The following NME5 variants were observed in gnomAD, a reference collection of about 807,000 sequenced individuals.
NME5 encodes the protein NME/NM23 family member 5, also known as nucleoside diphosphate kinase 5.
In NME5, 18 loss-of-function variants were observed where a neutral mutation model predicts 21.6. The observed-to-expected ratio is 0.83, with a 90% confidence interval of 0.58 to 1.24. The LOEUF is 1.24. NME5 is among the 50% of genes most tolerant of loss of function. The pLI, the probability that NME5 is intolerant of heterozygous loss-of-function variation, is 0.00. For synonymous variants in NME5, 70 were observed against 80.6 expected (o/e 0.87, Z 0.71); for missense variants, 223 against 255.4 (o/e 0.87, Z 0.86).
chr5:138,115,560 T>G lies in NME5; in HGVS notation c.*121A>C, dbSNP rs762305675. 13 of 553,022 alleles carry G rather than the reference T, an allele frequency of 2.4e-5. No individual in the cohort carries two copies. The highest frequency in any genetic ancestry group is 3.6e-5 in the Non-Finnish European group (12 of 328,956). The allele number at this position is 553,022 out of a possible 1,614,324, so 34.3% of individuals were successfully genotyped here. ...TAGTTATTCCTTTAACACTTATTTTTAAGAAATAAATTTATTTTACTTGTA... is the reference window on the plus strand; with the variant it reads ...TAGTTATTCCTTTAACACTTATTTTGAAGAAATAAATTTATTTTACTTGTA... On this transcript the variant is annotated 3_prime_UTR_variant, in exon 6 of 6. Coordinates refer to ENST00000265191, the MANE Select transcript of NME5 (RefSeq NM_003551.3).
chr5:138,136,237 A>G (rs989487963), intron 2 of NME5, among the ~76,000 whole-genome samples: 1 of 152,244 alleles, frequency 6.6e-6, no homozygotes, highest in African/African-American at 2.4e-5. Context: ...GGAATTCTAT[A>G]GGACAGATTT....
chr5:138,138,572 TG>T, intron 2 of NME5, 79 bp downstream of exon 2: 1 of 1,241,310 alleles, frequency 8.1e-7, no homozygotes, highest in Non-Finnish European at 1.1e-6. Flanking sequence ...AGGGTTTAAA[TG>T]GGTAGGCACA....
At chr5:138,132,354 G>GA (rs1019617726) in intron 2 of NME5, among the ~76,000 whole-genome samples, 17 of 148,480 alleles carry the variant, frequency 1.1e-4, no homozygotes, top group Non-Finnish European at 1.6e-4. Flanking sequence ...GGTCTCAAAA[G>GA]AAAAAAAAAA....
chr5:138,129,605 A>G (rs538087405), intron 2 of NME5, 137 bp from the exon 3 acceptor site: 3 of 648,484 alleles, frequency 4.6e-6, no homozygotes, highest in Admixed American at 5.7e-5. Flanking sequence ...AAGAAAGAAA[A>G]GGATATAATT....
At chr5:138,132,093 C>G (rs1751583411) in intron 2 of NME5, among the ~76,000 whole-genome samples, 1 of 152,202 alleles carries the variant, frequency 6.6e-6, no homozygotes, top group Non-Finnish European at 1.5e-5. Flanking sequence ...GGCTCGGTGG[C>G]TCATGCCTCT....
At chr5:138,136,325 G>C (rs1751696695) in intron 2 of NME5, among the ~76,000 whole-genome samples, 1 of 152,184 alleles carries the variant, frequency 6.6e-6, no homozygotes, top group South Asian at 2.1e-4. Context: ...CCTTTGATAG[G>C]GGTTGTGCCA....
chr5:138,120,227 G>GTTTTTTTTTTTTTTTTTTT (rs1561586403), intron 4 of NME5, among the ~76,000 whole-genome samples: 2 of 118,044 alleles, frequency 1.7e-5, no homozygotes, highest in Non-Finnish European at 3.4e-5. Flanking sequence ...ACTGCTCCCA[G>GTTTTTTTTTTTTTTTTTTT]CTCTTTTTTT....
At position 138,128,626 on chromosome 5, in the gene NME5, C is replaced by A. The variant is rs116719780; in HGVS notation, c.336-47G>T. The A allele has an allele frequency of 2.5e-4, 334 of 1,354,346 alleles. 1 individual carries two copies. The African/African-American group carries it at 4.0e-3, about 16-fold the overall frequency. The allele number at this position is 1,354,346 out of a possible 1,614,324, so 83.9% of individuals were successfully genotyped here. On this transcript the variant is annotated intron_variant, in intron 3 of 5. Transcript: ENST00000265191. ...CGTCCATCCAATCTAACGTCTATTC[C>A]TTACTTTATATGCATGCATTCCACT... is the stretch of plus-strand genomic sequence containing the variant.
chr5:138,131,955 G>T (rs1302515229), intron 2 of NME5, among the ~76,000 whole-genome samples: 1 of 152,110 alleles, frequency 6.6e-6, no homozygotes, highest in Non-Finnish European at 1.5e-5. Context: ...TTGTTGGCCA[G>T]GCTGCTCTTG....
Position 138,128,360 on chromosome 5 carries a change from A to G in NME5, c.436+119T>C, listed in dbSNP as rs374798546. On this transcript the variant is annotated intron_variant, in intron 4 of 5. Coordinates refer to ENST00000265191, the MANE Select transcript of NME5 (RefSeq NM_003551.3). ...TTTTAAGTAACTACAACTTGAAAAC[A>G]TAACAAAATATACTGGAAAAAAAAT... 1.0e-5 allele frequency: 8 copies of G among 768,566 alleles called. No individual in the cohort carries two copies. The East Asian group carries it at 1.2e-4, about 11-fold the overall frequency. The allele number at this position is 768,566 out of a possible 1,614,324, so 47.6% of individuals were successfully genotyped here.
At chr5:138,122,016 A>G (rs1170758710) in intron 4 of NME5, among the ~76,000 whole-genome samples, 1 of 152,180 alleles carries the variant, frequency 6.6e-6, no homozygotes, top group African/African-American at 2.4e-5. Context: ...TAATTTAGAA[A>G]GAATTGCCAT....
intron 4 of NME5, among the ~76,000 whole-genome samples, chr5:138,120,265 T>G (rs951391492): frequency 2.1e-5 from 3 of 141,480 alleles, no homozygotes. Context: ...GACAGAGTCT[T>G]TCTCTGTCGC....
chr5:138,128,025 G>A (rs1306517750), intron 4 of NME5, among the ~76,000 whole-genome samples: 1 of 152,118 alleles, frequency 6.6e-6, no homozygotes, highest in African/African-American at 2.4e-5. Flanking sequence ...AGTATGCTGG[G>A]CAATACGGAG....
At chr5:138,139,250 G>T in intron 1 of NME5, 121 bp downstream of exon 1, 1 of 546,098 alleles carries the variant, frequency 1.8e-6, no homozygotes, top group Non-Finnish European at 2.3e-6. Flanking sequence ...AAGCGACCCT[G>T]TCCCGCAGGG....
chr5:138,124,914 T>TTTTA (rs377465267), intron 4 of NME5, among the ~76,000 whole-genome samples: 1 of 152,094 alleles, frequency 6.6e-6, no homozygotes, highest in South Asian at 2.1e-4. Flanking sequence ...CTCATCCTTG[T>TTTTA]TTTATTTATT....
intron 4 of NME5, among the ~76,000 whole-genome samples, chr5:138,126,580 T>C (rs1751433999): frequency 7.2e-6 from 1 of 138,810 alleles, no homozygotes; most frequent in African/African-American, 2.7e-5. Flanking sequence ...AGGAATATAA[T>C]CCTATGAGTA....
chr5:138,122,463 A>AAAAAAAAAAAAAG (rs1196337031), intron 4 of NME5, among the ~76,000 whole-genome samples: 10 of 149,112 alleles, frequency 6.7e-5, no homozygotes, highest in Non-Finnish European at 8.9e-5. Flanking sequence ...AAAAAAAAAA[A>AAAAAAAAAAAAAG]AAAAAATTGT....
intron 1 of NME5, 104 bp from the exon 2 acceptor site, chr5:138,138,889 A>G: frequency 9.6e-7 from 1 of 1,038,688 alleles, no homozygotes; most frequent in Non-Finnish European, 1.4e-6. Context: ...GATTAAGAAT[A>G]GCAATAGTAG....
intron 3 of NME5, 90 bp from the exon 4 acceptor site, chr5:138,128,669 C>T (rs1178633515): frequency 2.5e-6 from 2 of 791,756 alleles, no homozygotes; most frequent in Middle Eastern, 2.3e-4. Context: ...TTTACAAAAG[C>T]ATTGCCACTT....
Sources: allele counts gnomAD v4.1 joint callset (sites outside exome capture counted in the v4.1 genomes callset), GRCh38; gene constraint gnomAD v4.1.1; transcripts MANE v1.5; gene names NCBI Gene and HGNC (gene_info 2026-07-23, HGNC 2026-07-21).